HDAC4: variants seen among roughly 807,000 people sequenced by gnomAD.
HDAC4 encodes histone deacetylase A.
Under a neutral mutation model 135.1 loss-of-function variants are expected in HDAC4, and 16 were observed. The ratio of observed to expected loss-of-function variants is 0.12; its 90% CI spans 0.08 to 0.18. The LOEUF is 0.18. Among genes scored for constraint, HDAC4 ranks in the 10% least tolerant of loss-of-function variants. The pLI, the probability that HDAC4 is intolerant of heterozygous loss-of-function variation, is 1.00. For missense variants in HDAC4, 1,143 were observed against 1,511.8 expected, an observed-to-expected ratio of 0.76 and a Z score of 4.05; for synonymous variants, 685 against 653.4, an observed-to-expected ratio of 1.05 and a Z score of -0.74.
At chr2:239,183,048 G>C (rs1202445758) in intron 4 of HDAC4, among the ~76,000 whole-genome samples, 1 of 152,196 alleles carries the variant, frequency 6.6e-6, no homozygotes, top group African/African-American at 2.4e-5. Context: ...ATGGGGCAAG[G>C]GCTGTTGGGA....
At chr2:239,281,803 C>G (rs1281535564) in intron 2 of HDAC4, among the ~76,000 whole-genome samples, 1 of 148,116 alleles carries the variant, frequency 6.8e-6, no homozygotes, top group Non-Finnish European at 1.5e-5. Context: ...CACCACTCTA[C>G]AATGTACACA....
intron 12 of HDAC4, among the ~76,000 whole-genome samples, chr2:239,118,012 G>GGGTT (rs1559461860): frequency 2.0e-5 from 3 of 152,158 alleles, no homozygotes; most frequent in African/African-American, 7.2e-5. Flanking sequence ...TACGGGGCAC[G>GGGTT]GGTTGGTGGG....
chr2:239,301,477 T>TTA (rs2052265297), intron 2 of HDAC4, among the ~76,000 whole-genome samples: 1 of 145,510 alleles, frequency 6.9e-6, no homozygotes, highest in African/African-American at 2.5e-5. Flanking sequence ...CTTTCTTTTT[T>TTA]TTTTTTTTTA....
chr2:239,370,843 C>G (rs1468184597), intron 1 of HDAC4, among the ~76,000 whole-genome samples: 1 of 152,198 alleles, frequency 6.6e-6, no homozygotes, highest in Admixed American at 6.5e-5. Context: ...ACTTTAAGAA[C>G]GTTCCTGGGA....
At chr2:239,387,478 G>A (rs539730282) in intron 1 of HDAC4, among the ~76,000 whole-genome samples, 39 of 152,310 alleles carry the variant, frequency 2.6e-4, no homozygotes, top group Admixed American at 1.0e-3. Flanking sequence ...CCTCTTAGAG[G>A]TGTGCAGGTT....
chr2:239,287,591 G>T (rs560824994), intron 2 of HDAC4, among the ~76,000 whole-genome samples: 1 of 152,234 alleles, frequency 6.6e-6, no homozygotes, highest in South Asian at 2.1e-4. Flanking sequence ...GAACTAATGG[G>T]AGCTGCACAT....
rs538797383 is a variant in HDAC4 at position 239,089,405 on chromosome 2, G to A, written c.2388+604C>T. On this transcript the variant is annotated intron_variant, in intron 18 of 26. Transcript: ENST00000543185. The stretch of plus-strand genomic sequence containing the variant: ...GTGCAATGGCGTGACTCGGCTCGCC[G>A]CAACCTCCACCTCCCAGGTTCAAGC... Among the ~76,000 whole-genome samples the A allele has an allele frequency of 1.4e-4, 22 of 152,180 alleles. No individual in the cohort carries two copies. In the South Asian group the frequency reaches 3.1e-3, roughly 22 times the overall value.
chr2:239,384,743 A>T (rs1695670089), intron 1 of HDAC4, among the ~76,000 whole-genome samples: 1 of 151,912 alleles, frequency 6.6e-6, no homozygotes, highest in Non-Finnish European at 1.5e-5. Context: ...AGCACCATAT[A>T]CCCCACGGCT....
intron 1 of HDAC4, among the ~76,000 whole-genome samples, chr2:239,357,237 A>C (rs1000185697): frequency 7.2e-5 from 11 of 152,266 alleles, no homozygotes; most frequent in South Asian, 4.1e-4. Flanking sequence ...GATATTTGAA[A>C]ATCCTAAGTA....
At chr2:239,235,447 G>T (rs999478347) in intron 3 of HDAC4, among the ~76,000 whole-genome samples, 5 of 152,248 alleles carry the variant, frequency 3.3e-5, no homozygotes, top group Admixed American at 6.5e-5. Flanking sequence ...AGCAAAGGCT[G>T]ACTGTCAAGG....
chr2:239,267,803 G>C (rs1007300306), intron 2 of HDAC4, among the ~76,000 whole-genome samples: 6 of 152,400 alleles, frequency 3.9e-5, no homozygotes, highest in Non-Finnish European at 8.8e-5. Flanking sequence ...CAAGGACAGA[G>C]ACTGCTCCAG....
rs1693250364 is a variant in HDAC4, at chr2:239,352,795, A to G, written c.-96T>C. ...GAGCTCCAAACTCCCACCAACACAT[A>G]CAAGTACCGGGACGGTGAGGGCTGG... On this transcript the variant is annotated 5_prime_UTR_variant, in exon 2 of 27. Coordinates refer to ENST00000543185, the MANE Select transcript of HDAC4 (RefSeq NM_001378414.1). This position sits in a 1 kb window ranked among gnomAD's most constrained non-coding sequence, Gnocchi z 4.4. 2 of 1,205,300 alleles carry G rather than the reference A, an allele frequency of 1.7e-6. No individual in the cohort carries two copies. Among genetic ancestry groups the G allele is most frequent in the Non-Finnish European group, 2.4e-6 (2 of 832,062 alleles). The allele number at this position is 1,205,300 out of a possible 1,614,324, so 74.7% of individuals were successfully genotyped here.
intron 6 of HDAC4, among the ~76,000 whole-genome samples, chr2:239,160,547 ACT>A (rs1165892669): frequency 2.0e-5 from 3 of 152,106 alleles, no homozygotes; most frequent in Non-Finnish European, 4.4e-5. Flanking sequence ...CACTTTGCTG[ACT>A]CTGAATTTCC....
At chr2:239,268,033 TG>T (rs1378448690) in intron 2 of HDAC4, among the ~76,000 whole-genome samples, 1 of 152,266 alleles carries the variant, frequency 6.6e-6, no homozygotes, top group East Asian at 1.9e-4. Flanking sequence ...TTTCTCTAAC[TG>T]TTGTCCAAAT....
At position 239,303,506 on chromosome 2, in the gene HDAC4, G is replaced by A. The variant is rs954370105; in HGVS notation, c.22+49172C>T. Among the ~76,000 whole-genome samples the A allele has an allele frequency of 2.0e-5, 3 of 151,958 alleles. No individual in the cohort carries two copies. Among genetic ancestry groups the A allele is most frequent in the Non-Finnish European group, 2.9e-5 (2 of 67,998 alleles). On this transcript the variant is annotated intron_variant, in intron 2 of 26. Coordinates refer to ENST00000543185, the MANE Select transcript of HDAC4 (RefSeq NM_001378414.1). The surrounding 1 kb of genome is among the most constrained non-coding windows in gnomAD (Gnocchi z 5.1). ...GGCAGCGTGCTTCCTCGATCTCCCC[G>A]CTCCTTTCTCGGGACAGCCTGTGGC...
At chr2:239,265,985 T>C (rs1438164623) in intron 2 of HDAC4, among the ~76,000 whole-genome samples, 3 of 152,152 alleles carry the variant, frequency 2.0e-5, no homozygotes, top group African/African-American at 4.8e-5. Context: ...ACCAACCGTA[T>C]GGCAGGAGCG....
At chr2:239,270,064 G>A (rs1327371578) in intron 2 of HDAC4, among the ~76,000 whole-genome samples, 1 of 152,160 alleles carries the variant, frequency 6.6e-6, no homozygotes, top group Non-Finnish European at 1.5e-5. Context: ...GGCCCTTGAG[G>A]TCCCAGAGCC....
At chr2:239,224,345 G>C (rs1180228699) in intron 3 of HDAC4, among the ~76,000 whole-genome samples, 1 of 152,116 alleles carries the variant, frequency 6.6e-6, no homozygotes, top group Non-Finnish European at 1.5e-5. Flanking sequence ...CCTGTCCCAC[G>C]TGGCCACTGC....
intron 20 of HDAC4, among the ~76,000 whole-genome samples, chr2:239,083,682 G>C (rs905455353): frequency 6.6e-6 from 1 of 152,204 alleles, no homozygotes; most frequent in Admixed American, 6.5e-5. Flanking sequence ...TTTAAAAAGA[G>C]ATGACTCTTT....
Sources: gnomAD v4.1 joint callset for allele counts (sites outside exome capture counted in the v4.1 genomes callset) on GRCh38, gnomAD v4.1.1 for gene constraint, Gnocchi (gnomAD v3.1) non-coding constraint, MANE v1.5 for transcripts, NCBI Gene and HGNC (gene_info 2026-07-23, HGNC 2026-07-21) for gene names.